Variants in GPHN observed in about 807,000 individuals in gnomAD.
GPHN encodes gephyrin.
Under a neutral mutation model 95.5 loss-of-function variants are expected in GPHN, and 17 were observed. That is an observed-to-expected ratio of 0.18 (90% CI 0.12 to 0.27). The LOEUF (loss-of-function observed/expected upper bound fraction) is 0.27. Ranked by LOEUF, GPHN falls within the 10% of genes least tolerant of loss-of-function variation. The probability of loss-of-function intolerance (pLI) is 1.00; values close to 1 mark genes in which losing one functional copy is unlikely to be tolerated. For synonymous variants in GPHN, 320 were observed against 322.5 expected (o/e 0.99, Z 0.08); for missense variants, 660 against 978.1 (o/e 0.67, Z 4.34).
intron 4 of GPHN, among the ~76,000 whole-genome samples, chr14:66,864,544 A>G (rs113485625): frequency 0.023 from 3,448 of 152,212 alleles, 54 homozygotes; most frequent in African/African-American, 0.04. Context: ...AGGCCAAGAC[A>G]GGCAGATCAC....
intron 8 of GPHN, among the ~76,000 whole-genome samples, chr14:66,928,804 T>A (rs1253533786): frequency 6.6e-6 from 1 of 152,194 alleles, no homozygotes; most frequent in African/African-American, 2.4e-5. Flanking sequence ...TATTGTTTAA[T>A]TTCCGTATGT....
At chr14:67,289,955 G>A in the GPHN span, among the ~76,000 whole-genome samples, 5 of 151,878 alleles carry the variant, frequency 3.3e-5, no homozygotes, top group African/African-American at 1.2e-4. Context: ...AATATTTTTA[G>A]TAGAGACGGG....
the GPHN span, among the ~76,000 whole-genome samples, chr14:67,342,942 A>C: frequency 1.3e-5 from 2 of 152,180 alleles, no homozygotes; most frequent in Non-Finnish European, 2.9e-5. Flanking sequence ...AAATAAGTGC[A>C]TCAAATGGGA....
At chr14:66,524,987 G>C (rs1357910889) in intron 1 of GPHN, among the ~76,000 whole-genome samples, 1 of 152,154 alleles carries the variant, frequency 6.6e-6, no homozygotes, top group Non-Finnish European at 1.5e-5. Context: ...ACAGTAGAAT[G>C]ATTTATAATC....
intron 4 of GPHN, among the ~76,000 whole-genome samples, chr14:66,855,022 A>G (rs2062741554): frequency 6.6e-6 from 1 of 151,624 alleles, no homozygotes; most frequent in African/African-American, 2.4e-5. Context: ...TAATTTTTGT[A>G]TTGTAGTAGA....
chr14:66,962,721 T>G (rs2069037159), intron 8 of GPHN, among the ~76,000 whole-genome samples: 1 of 151,922 alleles, frequency 6.6e-6, no homozygotes, highest in Admixed American at 6.6e-5. Flanking sequence ...CAGCTCTCTC[T>G]CTCTATTCCT....
At chr14:66,593,639 G>A (rs1321443616) in intron 1 of GPHN, among the ~76,000 whole-genome samples, 3 of 151,998 alleles carry the variant, frequency 2.0e-5, no homozygotes, top group African/African-American at 7.3e-5. Flanking sequence ...ATTTGGGTGG[G>A]GACACAAAGC....
At chr14:67,571,775 G>A in the GPHN span, 27 of 1,613,858 alleles carry the variant, frequency 1.7e-5, no homozygotes, top group East Asian at 2.7e-4. Context: ...TCAGCAACAT[G>A]CCCTTTATGG....
chr14:66,803,468 C>T (rs952531608), intron 3 of GPHN, among the ~76,000 whole-genome samples: 5 of 152,080 alleles, frequency 3.3e-5, no homozygotes, highest in African/African-American at 7.2e-5. Context: ...CAGGGGGTGG[C>T]GGAGGCAACA....
At chr14:66,624,446 A>C (rs904461498) in intron 1 of GPHN, among the ~76,000 whole-genome samples, 2 of 152,216 alleles carry the variant, frequency 1.3e-5, no homozygotes, top group African/African-American at 4.8e-5. Context: ...TTTCATGTAC[A>C]AAGTTTACTC....
the GPHN span, chr14:67,620,860 C>T: frequency 6.2e-7 from 1 of 1,612,616 alleles, no homozygotes; most frequent in Non-Finnish European, 8.5e-7. Flanking sequence ...GACACCTTCT[C>T]TACCTCTAAT....
intron 9 of GPHN, among the ~76,000 whole-genome samples, chr14:66,976,983 C>G (rs760894312): frequency 1.3e-5 from 2 of 148,700 alleles, no homozygotes; most frequent in African/African-American, 2.5e-5. Context: ...ATTTTGCAAT[C>G]AAATTGATGA....
At chr14:66,873,591 C>G (rs1226901633) in intron 4 of GPHN, among the ~76,000 whole-genome samples, 2 of 152,130 alleles carry the variant, frequency 1.3e-5, no homozygotes, top group Non-Finnish European at 2.9e-5. Context: ...GGGGCGTCCA[C>G]CATTACTGAC....
chr14:66,685,573 C>T (rs2067295858), intron 2 of GPHN, among the ~76,000 whole-genome samples: 3 of 152,100 alleles, frequency 2.0e-5, no homozygotes, highest in Non-Finnish European at 4.4e-5. Flanking sequence ...CTGTTCATAT[C>T]CTTCACCCAC....
chr14:67,079,068 T>G (rs1165256323), intron 11 of GPHN, among the ~76,000 whole-genome samples: 3 of 152,042 alleles, frequency 2.0e-5, no homozygotes, highest in Non-Finnish European at 4.4e-5. Context: ...GTTATATATA[T>G]TGTAAATTTT....
At chr14:67,553,131 A>C in the GPHN span, among the ~76,000 whole-genome samples, 17 of 151,616 alleles carry the variant, frequency 1.1e-4, no homozygotes, top group African/African-American at 4.1e-4. Context: ...TTTTTCCATC[A>C]GATGAAGTCA....
chr14:67,418,882 C>T, the GPHN span, among the ~76,000 whole-genome samples: 11,358 of 152,222 alleles, frequency 0.075, 1,093 homozygotes, highest in East Asian at 0.37. Flanking sequence ...AAAGCTGGAA[C>T]GCCTTGAGAG....
chr14:67,064,499 G>T (rs566806822), intron 11 of GPHN, among the ~76,000 whole-genome samples: 341 of 152,238 alleles, frequency 2.2e-3, no homozygotes, highest in African/African-American at 7.7e-3. Context: ...AATAGTTTCA[G>T]AAGGAATGAT....
intron 21 of GPHN, among the ~76,000 whole-genome samples, chr14:67,172,473 G>C (rs954936876): frequency 7.9e-5 from 12 of 152,134 alleles, no homozygotes; most frequent in Admixed American, 7.2e-4. Flanking sequence ...CAGAGAAAAA[G>C]TGCCAGAGCC....
Sources: allele counts gnomAD v4.1 joint callset (sites outside exome capture counted in the v4.1 genomes callset), GRCh38; gene constraint gnomAD v4.1.1; transcripts MANE v1.5; gene names NCBI Gene and HGNC (gene_info 2026-07-23, HGNC 2026-07-21).